The following KIF15 variants were observed in gnomAD, a reference collection of about 807,000 sequenced individuals.
KIF15 encodes kinesin-like protein KIF15.
Under a neutral mutation model 190.6 loss-of-function variants are expected in KIF15, and 140 were observed. That is an observed-to-expected ratio of 0.73 (90% CI 0.64 to 0.84). The LOEUF (loss-of-function observed/expected upper bound fraction) is 0.84. KIF15 is among the 40% of genes least tolerant of loss of function. The probability of loss-of-function intolerance (pLI) is 0.00; values close to 1 mark genes in which losing one functional copy is unlikely to be tolerated. For synonymous variants in KIF15, 528 were observed against 551.3 expected (o/e 0.96, Z 0.59); for missense variants, 1,372 against 1,584.4 (o/e 0.87, Z 2.28).
At chr3:44,774,508 G>A in intron 2 of KIF15, 71 bp downstream of exon 2, 1 of 1,326,470 alleles carries the variant, frequency 7.5e-7, no homozygotes, top group South Asian at 1.3e-5. Flanking sequence ...TAACCATTTA[G>A]CATAGTAAAG....
intron 19 of KIF15, among the ~76,000 whole-genome samples, chr3:44,814,422 A>G (rs948549626): frequency 3.9e-5 from 6 of 152,034 alleles, no homozygotes; most frequent in African/African-American, 1.2e-4. Context: ...CGATCCTCCC[A>G]CCTCAGCCTC....
At chr3:44,862,221 C>CGG (rs1484949619) in intron 6 of KIF15, 1 of 9,496 alleles carries the variant, frequency 1.1e-4, no homozygotes, top group Non-Finnish European at 2.4e-4. Flanking sequence ...TGGGGTGGGG[C>CGG]GGGGGTGGGC....
intron 8 of KIF15, among the ~76,000 whole-genome samples, chr3:44,795,801 T>C (rs1000773071): frequency 2.0e-5 from 3 of 152,150 alleles, no homozygotes; most frequent in Non-Finnish European, 4.4e-5. Flanking sequence ...ATCTACTTTT[T>C]TCATTAAAAG....
chr3:44,868,216 A>C (rs1174790995), intron 6 of KIF15, among the ~76,000 whole-genome samples: 1 of 152,208 alleles, frequency 6.6e-6, no homozygotes, highest in Non-Finnish European at 1.5e-5. Flanking sequence ...CAACATCAAT[A>C]TATGGCCTTT....
intron 20 of KIF15, among the ~76,000 whole-genome samples, chr3:44,816,993 G>C (rs1482434110): frequency 4.6e-5 from 7 of 151,964 alleles, no homozygotes; most frequent in Admixed American, 2.0e-4. Flanking sequence ...GACCAGTGAT[G>C]ATGAGCATTT....
intron 30 of KIF15, among the ~76,000 whole-genome samples, chr3:44,844,938 G>T (rs1043931784): frequency 1.3e-5 from 2 of 152,204 alleles, no homozygotes; most frequent in Admixed American, 6.5e-5. Context: ...CAAAGACCAG[G>T]TGCCTGGTTA....
intron 16 of KIF15, among the ~76,000 whole-genome samples, chr3:44,808,222 C>T (rs1707609091): frequency 6.6e-6 from 1 of 152,212 alleles, no homozygotes; most frequent in African/African-American, 2.4e-5. Context: ...TCTGTAGCCC[C>T]TTAGCACAAT....
chr3:44,810,838 TGCTGCAGA>T lies in KIF15; in HGVS notation c.1972-7_1972del, dbSNP rs1234560835. 1.3e-6 allele frequency: 2 copies of T among 1,593,358 alleles called. No individual in the cohort carries two copies. Among genetic ancestry groups the T allele is most frequent in the Admixed American group, 1.9e-5 (1 of 53,954 alleles). On this transcript the variant is annotated splice_acceptor_variant and splice_polypyrimidine_tract_variant and coding_sequence_variant and intron_variant, in exon 17 of 35. Transcript: ENST00000326047. LOFTEE classifies it high-confidence loss of function. ...GCTAATGTTTTCCATAATCATTTTT[TGCTGCAGA>T]TTATAACTACACCAACCAAGGCCTA...
intron 29 of KIF15, among the ~76,000 whole-genome samples, 171 bp downstream of exon 29, chr3:44,841,409 T>G (rs1338986261): frequency 6.6e-6 from 1 of 151,746 alleles, no homozygotes; most frequent in Admixed American, 6.6e-5. Flanking sequence ...TTTTTTGTTT[T>G]TTTTTTGAGA....
In KIF15 at chr3:44,831,067, A is replaced by G. The variant is rs372276282; in HGVS notation, c.3171+49A>G. 52 of 1,583,906 alleles carry G rather than the reference A, an allele frequency of 3.3e-5. No individual in the cohort carries two copies. In the African/African-American group the frequency reaches 4.6e-4, roughly 14 times the overall value. On this transcript the variant is annotated intron_variant, in intron 26 of 34. Transcript: ENST00000326047. ...TCTTTGTTTGCCTTATTACTTGTCA[A>G]TATGTGTATTTGTGTGTGGAAGTTA...
At chr3:44,861,897 G>T in intron 6 of KIF15, 1 of 1,487,980 alleles carries the variant, frequency 6.7e-7, no homozygotes, top group Non-Finnish European at 8.9e-7. Flanking sequence ...GCGGGCAGCG[G>T]GTGCCAGGCA....
intron 9 of KIF15, 39 bp downstream of exon 9, chr3:44,797,715 A>T: frequency 6.2e-7 from 1 of 1,608,354 alleles, no homozygotes; most frequent in Non-Finnish European, 8.5e-7. Context: ...CCTTTTGGTT[A>T]TGCTAAAGTT....
chr3:44,778,291 C>G (rs1375873073), intron 4 of KIF15, 100 bp downstream of exon 4: 1 of 913,128 alleles, frequency 1.1e-6, no homozygotes, highest in African/African-American at 1.6e-5. Flanking sequence ...TAAAACAACA[C>G]AAATGTATTA....
At chr3:44,801,223 T>C (rs779242017) in intron 11 of KIF15, among the ~76,000 whole-genome samples, 27 of 149,284 alleles carry the variant, frequency 1.8e-4, no homozygotes, top group Non-Finnish European at 3.0e-4. Flanking sequence ...GGGGGGGGTC[T>C]CACCATGTTG....
At chr3:44,862,531 A>G (rs1231487329) in intron 6 of KIF15, 1 of 152,592 alleles carries the variant, frequency 6.6e-6, no homozygotes, top group African/African-American at 2.4e-5. Flanking sequence ...TCTTAAGGTG[A>G]GAAGCCTCTT....
chr3:44,829,807 G>GTA (rs1181566391), intron 24 of KIF15, among the ~76,000 whole-genome samples, 164 bp from the exon 25 acceptor site: 3 of 142,712 alleles, frequency 2.1e-5, no homozygotes, highest in African/African-American at 7.7e-5. Context: ...TATAATATAT[G>GTA]TATATATATT....
In KIF15 at chr3:44,799,622, CAT is replaced by C. The variant is rs558644409; in HGVS notation, c.1099-691_1099-690del. On this transcript the variant is annotated intron_variant, in intron 10 of 34. Coordinates refer to ENST00000326047, the MANE Select transcript of KIF15 (RefSeq NM_020242.3). ...CAACAGGCTGGAGTGCAGTGGCGCACATGTGTGACCTGCCCCACTCTTGACAT... is the reference window on the plus strand; with the variant it reads ...CAACAGGCTGGAGTGCAGTGGCGCACGTGTGACCTGCCCCACTCTTGACAT... Among the ~76,000 whole-genome samples, 1,406 of 150,240 alleles carry C rather than the reference CAT, an allele frequency of 9.4e-3. 10 individuals carry two copies. Among genetic ancestry groups the C allele is most frequent in the Non-Finnish European group, 0.013 (866 of 67,654 alleles).
intron 32 of KIF15, among the ~76,000 whole-genome samples, chr3:44,850,259 A>C (rs1575692761): frequency 1.3e-5 from 2 of 152,186 alleles, no homozygotes; most frequent in African/African-American, 4.8e-5. Context: ...CAGAGTATAC[A>C]TAGGAAAACA....
At position 44,838,351 on chromosome 3, in the gene KIF15, C is replaced by T. The variant is rs138611262; in HGVS notation, c.3248C>T (p.Ser1083Leu). Residue 1083 changes from serine to leucine, a missense_variant, in exon 27 of 35, where the codon TCG (serine) becomes TTG (leucine). By Grantham distance (145) the Ser-to-Leu change is moderately radical (BLOSUM62 -2). Transcript: ENST00000326047. The part of the protein sequence containing the change: ...NMLTEASKKH[S>L]GLLQSAQEEL... ...CTCACAGAGGCCTCAAAAAAACACT[C>T]GGGGCTGCTGCAGTCTGCCCAGGAA... is the stretch of plus-strand genomic sequence containing the variant. 8,562 of 1,613,992 alleles carry T rather than the reference C, an allele frequency of 5.3e-3. 33 individuals carry two copies. The highest frequency in any genetic ancestry group is 6.8e-3 in the Non-Finnish European group (7,979 of 1,179,950).
Sources: gnomAD v4.1 joint callset for allele counts (sites outside exome capture counted in the v4.1 genomes callset) on GRCh38, gnomAD v4.1.1 for gene constraint, MANE v1.5 for transcripts, NCBI Gene and HGNC (gene_info 2026-07-23, HGNC 2026-07-21) for gene names.